ATXN1: variants seen among roughly 807,000 people sequenced by gnomAD.
ATXN1 encodes ataxin-1.
ATXN1 carries 8 observed loss-of-function variants against 56.4 expected under a neutral mutation model. The observed-to-expected ratio is 0.14, with a 90% CI of 0.08 to 0.26. The LOEUF (loss-of-function observed/expected upper bound fraction) is 0.26, where lower values mean the gene tolerates loss of function less well. ATXN1 is among the 10% of genes least tolerant of loss of function. ATXN1 has a pLI of 1.00. For synonymous variants in ATXN1, 514 were observed against 494.6 expected, an observed-to-expected ratio of 1.04 and a Z score of -0.52; for missense variants, 987 against 1,106.5, an observed-to-expected ratio of 0.89 and a Z score of 1.53.
rs111661539 is a variant in ATXN1, at chr6:16,381,484, C to T, written c.-160-53014G>A. ...TTCCAGGCCCCCCAGCTGTGAGACA[C>T]TCAATGTCTGTTAAGTCACCCAGTT... On this transcript the variant is annotated intron_variant, in intron 6 of 7. Transcript: ENST00000436367. Among the ~76,000 whole-genome samples, 1,366 of 152,308 alleles carry T rather than the reference C, an allele frequency of 9.0e-3. 17 individuals carry two copies. The highest frequency in any genetic ancestry group is 0.011 in the Non-Finnish European group (745 of 68,030).
At chr6:16,726,103 G>A (rs541416694) in intron 2 of ATXN1, among the ~76,000 whole-genome samples, 54 of 152,298 alleles carry the variant, frequency 3.5e-4, no homozygotes, top group African/African-American at 1.1e-3. Context: ...GGTTCCAGCC[G>A]GGCACAGTGG....
chr6:16,316,979 C>A (rs944714241), intron 7 of ATXN1, among the ~76,000 whole-genome samples: 1 of 149,798 alleles, frequency 6.7e-6, no homozygotes, highest in Non-Finnish European at 1.5e-5. Context: ...GCCTAACAGG[C>A]AGCTTTCTCA....
At chr6:16,610,308 A>G (rs139418899) in intron 3 of ATXN1, among the ~76,000 whole-genome samples, 186 of 151,972 alleles carry the variant, frequency 1.2e-3, no homozygotes, top group African/African-American at 4.1e-3. Flanking sequence ...ACAAGAAGAA[A>G]AAAATGAAAA....
Position 16,327,675 on chromosome 6 carries a change from C to CTGT in ATXN1, c.635_636insACA (p.Gln225dup), listed in dbSNP as rs1554138047. 4 of 1,515,662 alleles carry CTGT rather than the reference C, an allele frequency of 2.6e-6. No individual in the cohort carries two copies. Among genetic ancestry groups the CTGT allele is most frequent in the Non-Finnish European group, 2.6e-6 (3 of 1,143,264 alleles). 93.9% of individuals were successfully genotyped at this position (1,515,662 alleles called of 1,614,324 possible). A position where few individuals can be genotyped will look rare whatever the true frequency, so the allele number is the denominator to read the frequency against. On this transcript the variant is annotated inframe_insertion, in exon 7 of 8. Coordinates refer to ENST00000436367, the MANE Select transcript of ATXN1 (RefSeq NM_001128164.2). ...GCTGCTGCTGCTGCTGCTGCTGCTGCTGATGCTGATGCTGCTGCTGCTGCT... is the reference window on the plus strand; with the variant it reads ...GCTGCTGCTGCTGCTGCTGCTGCTGCTGTTGATGCTGATGCTGCTGCTGCTGCT...
chr6:16,597,276 T>G (rs1278019365), intron 3 of ATXN1, among the ~76,000 whole-genome samples: 1 of 152,202 alleles, frequency 6.6e-6, no homozygotes, highest in Non-Finnish European at 1.5e-5. Flanking sequence ...CATAGGTACA[T>G]GCTCACCCTT....
chr6:16,526,980 G>A (rs1259347531), intron 4 of ATXN1, among the ~76,000 whole-genome samples: 3 of 147,352 alleles, frequency 2.0e-5, no homozygotes, highest in Non-Finnish European at 3.0e-5. Context: ...ATGATCTTGA[G>A]TGATCCTAGA....
At chr6:16,491,285 T>A (rs1210511958) in intron 5 of ATXN1, among the ~76,000 whole-genome samples, 47 of 123,146 alleles carry the variant, frequency 3.8e-4, no homozygotes, top group African/African-American at 9.8e-4. Context: ...TTATTTTTTT[T>A]TTTTTTTTTT....
intron 2 of ATXN1, among the ~76,000 whole-genome samples, chr6:16,715,783 C>T (rs1324753989): frequency 6.6e-6 from 1 of 152,130 alleles, no homozygotes; most frequent in Non-Finnish European, 1.5e-5. Flanking sequence ...AGCCAAAGTC[C>T]ATACTCCTTA....
At chr6:16,556,191 T>G (rs928460163) in intron 4 of ATXN1, among the ~76,000 whole-genome samples, 1 of 152,212 alleles carries the variant, frequency 6.6e-6, no homozygotes, top group Non-Finnish European at 1.5e-5. Context: ...GTGTTTTGTG[T>G]CATTTTTTGG....
intron 6 of ATXN1, among the ~76,000 whole-genome samples, chr6:16,428,225 T>A (rs147523901): frequency 0.022 from 3,347 of 151,542 alleles, 53 homozygotes; most frequent in Non-Finnish European, 0.036. Context: ...TTCAAGTGAT[T>A]CTCCTGCCTC....
intron 3 of ATXN1, among the ~76,000 whole-genome samples, chr6:16,611,361 A>G (rs774323524): frequency 6.6e-6 from 1 of 152,222 alleles, no homozygotes; most frequent in Non-Finnish European, 1.5e-5. Context: ...TATGAGTATT[A>G]CAGACAGTAA....
At chr6:16,531,265 A>G (rs1054102060) in intron 4 of ATXN1, among the ~76,000 whole-genome samples, 1 of 152,188 alleles carries the variant, frequency 6.6e-6, no homozygotes, top group African/African-American at 2.4e-5. Flanking sequence ...CTACTTCACC[A>G]AAGTTTAGTA....
chr6:16,745,933 C>CGTGTGTGTGT lies in ATXN1; in HGVS notation c.-615+7290_-615+7299dup, dbSNP rs60773814. Among the ~76,000 whole-genome samples the CGTGTGTGTGT allele has an allele frequency of 9.2e-3, 1,348 of 147,182 alleles. 13 individuals are homozygous for CGTGTGTGTGT. Among genetic ancestry groups the CGTGTGTGTGT allele is most frequent in the Non-Finnish European group, 8.9e-3 (596 of 66,752 alleles). On this transcript the variant is annotated intron_variant, in intron 2 of 7. Transcript: ENST00000436367. ...TTCAGCTCTTAAATGCTATGCCTTC[C>CGTGTGTGTGT]GTGTGTGTGTGTGTGTGTGTGTGTG...
intron 6 of ATXN1, among the ~76,000 whole-genome samples, chr6:16,372,731 C>A (rs987111395): frequency 6.6e-6 from 1 of 151,852 alleles, no homozygotes; most frequent in African/African-American, 2.4e-5. Flanking sequence ...CTGGGCAACC[C>A]AGTGAGAACT....
chr6:16,340,890 T>C (rs926509913), intron 6 of ATXN1, among the ~76,000 whole-genome samples: 2 of 152,188 alleles, frequency 1.3e-5, no homozygotes, highest in African/African-American at 2.4e-5. Flanking sequence ...CTCAGTGTAA[T>C]GTCACCAGGG....
chr6:16,473,266 G>C (rs921870665), intron 6 of ATXN1, among the ~76,000 whole-genome samples: 1 of 152,096 alleles, frequency 6.6e-6, no homozygotes, highest in East Asian at 1.9e-4. Context: ...CAGCCACTCC[G>C]ACCCGATATC....
chr6:16,426,095 C>A (rs920196932), intron 6 of ATXN1, among the ~76,000 whole-genome samples: 18 of 152,140 alleles, frequency 1.2e-4, no homozygotes, highest in African/African-American at 3.9e-4. Flanking sequence ...GCAAGGCATT[C>A]ATCCGCTATT....
chr6:16,583,230 C>T (rs1267339047), intron 4 of ATXN1, among the ~76,000 whole-genome samples: 2 of 152,154 alleles, frequency 1.3e-5, no homozygotes, highest in Non-Finnish European at 1.5e-5. Context: ...GAAATTAGGG[C>T]CAAAACGAAT....
intron 3 of ATXN1, chr6:16,615,234 T>C (rs1763186227): frequency 6.7e-6 from 1 of 148,376 alleles, no homozygotes; most frequent in Admixed American, 6.8e-5. Context: ...ATTGTGGAAA[T>C]TTCCGAAGCT....
Sources: allele counts gnomAD v4.1 joint callset (sites outside exome capture counted in the v4.1 genomes callset), GRCh38; gene constraint gnomAD v4.1.1; transcripts MANE v1.5; gene names NCBI Gene and HGNC (gene_info 2026-07-23, HGNC 2026-07-21).